Variants in ADGRE2 observed in about 807,000 individuals in gnomAD.
The protein encoded by ADGRE2 is adhesion G protein-coupled receptor E2.
ADGRE2 carries 83 observed loss-of-function variants against 100.8 expected under a neutral mutation model. The observed-to-expected ratio is 0.82, with a 90% CI of 0.69 to 0.99. The LOEUF (loss-of-function observed/expected upper bound fraction) is 0.99. Ranked by LOEUF, ADGRE2 falls within the 50% of genes least tolerant of loss-of-function variation. The probability of loss-of-function intolerance (pLI) is 0.00; values close to 1 mark genes in which losing one functional copy is unlikely to be tolerated. For synonymous variants in ADGRE2, 355 were observed against 413.0 expected, an observed-to-expected ratio of 0.86 and a Z score of 1.70; for missense variants, 814 against 1,035.7, an observed-to-expected ratio of 0.79 and a Z score of 2.94.
At chr19:14,776,463 C>G in intron 2 of ADGRE2, 2 of 506,642 alleles carry the variant, frequency 3.9e-6, no homozygotes, top group Non-Finnish European at 3.6e-6. Flanking sequence ...AGATGCCAAA[C>G]TGGCTCCAGT....
At chr19:14,746,112 GT>G in intron 18 of ADGRE2, 119 bp downstream of exon 18, 1 of 649,736 alleles carries the variant, frequency 1.5e-6, no homozygotes, top group Non-Finnish European at 2.8e-6. Context: ...GGCTGCGTCT[GT>G]TTTTTCTGGG....
In ADGRE2 at chr19:14,772,257, C is replaced by A. The variant is rs116744246; in HGVS notation, c.355+85G>T. ...CAGGAACTGAACCTATACTTGGGTA[C>A]CTGCTCCCTGGATGCTGCAGAAACA... is the stretch of plus-strand genomic sequence containing the variant. On this transcript the variant is annotated intron_variant, in intron 5 of 20. Transcript: ENST00000315576. 2,132 of 1,576,358 alleles carry A rather than the reference C, an allele frequency of 1.4e-3. 27 individuals carry two copies. In the African/African-American group the frequency reaches 0.025, roughly 19 times the overall value.
intron 4 of ADGRE2, among the ~76,000 whole-genome samples, chr19:14,773,247 C>T (rs1372245072): frequency 6.6e-6 from 1 of 151,442 alleles, no homozygotes; most frequent in Non-Finnish European, 1.5e-5. Context: ...CATGCCTATT[C>T]ACTTCTTACT....
chr19:14,756,561 CAAGAAGAAATAG>C (rs1184757684), intron 11 of ADGRE2, among the ~76,000 whole-genome samples: 2 of 152,220 alleles, frequency 1.3e-5, no homozygotes, highest in Non-Finnish European at 2.9e-5. Flanking sequence ...GAAATCAACT[CAAGAAGAAATAG>C]AAGATCTGAA....
chr19:14,774,919 C>T (rs1266598754), intron 2 of ADGRE2, among the ~76,000 whole-genome samples: 7 of 150,974 alleles, frequency 4.6e-5, no homozygotes, highest in Non-Finnish European at 8.9e-5. Context: ...GGTGATCTGC[C>T]GGCCTTGGCC....
At chr19:14,748,587 G>A (rs1202669434) in intron 16 of ADGRE2, among the ~76,000 whole-genome samples, 1 of 152,178 alleles carries the variant, frequency 6.6e-6, no homozygotes, top group Non-Finnish European at 1.5e-5. Context: ...GATTCCAGGT[G>A]TGAGCCACCG....
rs1429834995 is a variant in ADGRE2, at chr19:14,755,883, G to T, written c.1193-6C>A. On this transcript the variant is annotated splice_polypyrimidine_tract_variant and splice_region_variant and intron_variant, in intron 12 of 20. Coordinates refer to ENST00000315576, the MANE Select transcript of ADGRE2 (RefSeq NM_013447.4). ...AAGGCCCACCACAGAAGGGCCTGCA[G>T]GGCGAGGCCAAGGTTGAATCTTGGA... 16 of 1,612,488 alleles carry T rather than the reference G, an allele frequency of 9.9e-6. No homozygotes were observed. In the Admixed American group the frequency reaches 2.7e-4, roughly 27 times the overall value.
intron 20 of ADGRE2, among the ~76,000 whole-genome samples, chr19:14,741,097 T>TG (rs2042914970): frequency 6.7e-6 from 1 of 148,750 alleles, no homozygotes; most frequent in African/African-American, 2.5e-5. Context: ...GGCTGTTTTT[T>TG]TTTTTTTTTT....
chr19:14,763,936 C>G (rs2043849532), intron 11 of ADGRE2, among the ~76,000 whole-genome samples: 1 of 144,842 alleles, frequency 6.9e-6, no homozygotes, highest in Non-Finnish European at 1.5e-5. Context: ...TCCTCCCCTC[C>G]TCTCCTCCTG....
chr19:14,735,639 G>A lies in ADGRE2; in HGVS notation c.*597C>T, dbSNP rs1222677953. 2 of 152,076 alleles carry A rather than the reference G, an allele frequency of 1.3e-5. No homozygotes were observed. Among genetic ancestry groups the A allele is most frequent in the Admixed American group, 6.6e-5 (1 of 15,260 alleles). The allele number at this position is 152,076 out of a possible 1,614,324, so 9.4% of individuals were successfully genotyped here. A position where few individuals can be genotyped will look rare whatever the true frequency, so the allele number is the denominator to read the frequency against. ...TAGAAACCTGATTTCTAGGAATTTC[G>A]GCTTCTGAGTCAACTCTAGCTGCAA... is the stretch of plus-strand genomic sequence containing the variant. On this transcript the variant is annotated 3_prime_UTR_variant, in exon 21 of 21. Transcript: ENST00000315576.
At chr19:14,740,908 T>C (rs1212488313) in intron 20 of ADGRE2, among the ~76,000 whole-genome samples, 2 of 151,716 alleles carry the variant, frequency 1.3e-5, no homozygotes, top group East Asian at 3.9e-4. Flanking sequence ...AGCTAGTTTT[T>C]ATATTTTGTG....
chr19:14,766,886 C>T, intron 6 of ADGRE2, 92 bp downstream of exon 6: 1 of 1,458,284 alleles, frequency 6.9e-7, no homozygotes, highest in Non-Finnish European at 9.3e-7. Flanking sequence ...ACCTGCGGAT[C>T]TTCTCCCTCC....
intron 11 of ADGRE2, among the ~76,000 whole-genome samples, chr19:14,761,840 C>T (rs1259163684): frequency 1.3e-5 from 2 of 152,176 alleles, no homozygotes; most frequent in Admixed American, 6.5e-5. Flanking sequence ...AATCTTTGGG[C>T]CCTATGTAAA....
chr19:14,759,503 A>ATATATATATATATATATATATATATT (rs60789454), intron 11 of ADGRE2, among the ~76,000 whole-genome samples: 9 of 133,370 alleles, frequency 6.7e-5, no homozygotes, highest in African/African-American at 2.7e-4. Context: ...ATATATATAT[A>ATATATATATATATATATATATATATT]TTTTTTTTTT....
Position 14,751,501 on chromosome 19 carries a change from T to A in ADGRE2, c.1959A>T (p.Gly653=), listed in dbSNP as rs756780184. 11 of 1,614,136 alleles carry A rather than the reference T, an allele frequency of 6.8e-6. No homozygotes were observed. Among genetic ancestry groups the A allele is most frequent in the Non-Finnish European group, 9.3e-6 (11 of 1,180,002 alleles). ...AAATGGCCACTGTCACAGCTGGGAC[T>A]CCGTAGCCCACAGGGAACATGAGCT... ...MKKLMFPVGY[G]VPAVTVAISA... is the part of the protein sequence containing the mutation. Residue 653 remains glycine (G), a synonymous_variant, in exon 16 of 21, where the codon GGA becomes GGT. Transcript: ENST00000315576.
At chr19:14,762,187 G>A (rs1200065192) in intron 11 of ADGRE2, among the ~76,000 whole-genome samples, 1 of 151,356 alleles carries the variant, frequency 6.6e-6, no homozygotes, top group Non-Finnish European at 1.5e-5. Flanking sequence ...ATATTTTACA[G>A]AGTTTGACTC....
At chr19:14,777,927 C>A (rs1212176934) in intron 1 of ADGRE2, among the ~76,000 whole-genome samples, 1 of 152,136 alleles carries the variant, frequency 6.6e-6, no homozygotes, top group African/African-American at 2.4e-5. Flanking sequence ...CAGGTCTTTG[C>A]TATTGTGAAT....
Position 14,746,259 on chromosome 19 carries a change from C to A in ADGRE2, c.2156G>T (p.Ser719Ile). 6.2e-7 allele frequency: 1 copy of A among 1,608,782 alleles called. No homozygotes were observed. Among genetic ancestry groups the A allele is most frequent in the East Asian group, 2.2e-5 (1 of 44,822 alleles). Residue 719 changes from serine to isoleucine, a missense_variant, in exon 18 of 21, where the codon AGT (serine) becomes ATT (isoleucine). Physicochemically the swap from Ser to Ile is moderately radical, Grantham distance 142. Around this residue, in one of 5 missense-constraint regions of ADGRE2, gnomAD observed 569 missense variants for 692.7 expected, o/e 0.82. Coordinates refer to ENST00000315576, the MANE Select transcript of ADGRE2 (RefSeq NM_013447.4). ...ILKNRLSSLN[S>I]EVSTLRNTRM... ...TGTGTTCCGGAGGGTGGACACTTCA[C>A]TATTGAGGGAGGAGAGTCTGTTTTT...
intron 20 of ADGRE2, among the ~76,000 whole-genome samples, chr19:14,740,750 CT>C (rs34873864): frequency 0.085 from 12,867 of 152,096 alleles, 1,877 homozygotes; most frequent in African/African-American, 0.29. Flanking sequence ...TATGTATTTA[CT>C]TTACACAAGG....
Sources: allele counts gnomAD v4.1 joint callset (sites outside exome capture counted in the v4.1 genomes callset), GRCh38; gene constraint gnomAD v4.1.1; regional missense constraint gnomAD v4.1.1; transcripts MANE v1.5; gene names NCBI Gene and HGNC (gene_info 2026-07-23, HGNC 2026-07-21).